DOK6: variants seen among roughly 807,000 people sequenced by gnomAD.
The protein encoded by DOK6 is docking protein 6.
A neutral mutation model predicts 44.0 loss-of-function variants in DOK6; 22 were observed. The observed-to-expected ratio is 0.50, with a 90% CI of 0.36 to 0.71. The LOEUF (loss-of-function observed/expected upper bound fraction) is 0.71, where lower values mean the gene tolerates loss of function less well. Ranked by LOEUF, DOK6 falls within the 30% of genes least tolerant of loss-of-function variation. DOK6 has a pLI of 0.00. For synonymous variants in DOK6, 166 were observed against 145.5 expected, an observed-to-expected ratio of 1.14 and a Z score of -1.01; for missense variants, 340 against 416.4, an observed-to-expected ratio of 0.82 and a Z score of 1.60.
chr18:69,670,162 TGTTGGTGTC>T (rs540534440), intron 3 of DOK6, among the ~76,000 whole-genome samples: 82 of 152,340 alleles, frequency 5.4e-4, no homozygotes, highest in African/African-American at 1.9e-3. Flanking sequence ...CTTTCAGATT[TGTTGGTGTC>T]GTTTGGCCAA....
chr18:69,605,794 A>C (rs1318139330), intron 3 of DOK6, among the ~76,000 whole-genome samples: 2 of 143,244 alleles, frequency 1.4e-5, no homozygotes, highest in Admixed American at 1.4e-4. Flanking sequence ...ACTTAAGATA[A>C]AAACTGATGC....
At chr18:69,666,377 C>T (rs112280822) in intron 3 of DOK6, among the ~76,000 whole-genome samples, 4 of 152,168 alleles carry the variant, frequency 2.6e-5, no homozygotes, top group Admixed American at 2.6e-4. Flanking sequence ...TGACTGAGCA[C>T]CAAGACAGTG....
chr18:69,538,392 T>C (rs1335106265), intron 1 of DOK6, among the ~76,000 whole-genome samples: 2 of 152,070 alleles, frequency 1.3e-5, no homozygotes, highest in African/African-American at 4.8e-5. Flanking sequence ...TCCTTTTTTT[T>C]TCCCCTCTGA....
intron 7 of DOK6, among the ~76,000 whole-genome samples, chr18:69,779,108 G>A (rs972014724): frequency 4.0e-5 from 6 of 151,814 alleles, no homozygotes; most frequent in African/African-American, 1.4e-4. Context: ...TGATATTTAC[G>A]GTGCTTCATA....
At chr18:69,614,544 T>TTGTGTG (rs34596745) in intron 3 of DOK6, among the ~76,000 whole-genome samples, 43 of 149,126 alleles carry the variant, frequency 2.9e-4, no homozygotes, top group Middle Eastern at 3.5e-3. Flanking sequence ...TATTTTTTCT[T>TTGTGTG]TGTGTGTGTG....
intron 3 of DOK6, among the ~76,000 whole-genome samples, chr18:69,618,166 C>T (rs1246664996): frequency 6.6e-6 from 1 of 152,124 alleles, no homozygotes; most frequent in Non-Finnish European, 1.5e-5. Flanking sequence ...AGAAGCCAAC[C>T]ATGCACTTAG....
intron 7 of DOK6, among the ~76,000 whole-genome samples, chr18:69,808,327 C>G (rs566211455): frequency 6.6e-6 from 1 of 151,350 alleles, no homozygotes; most frequent in African/African-American, 2.4e-5. Context: ...ATGCCTACAC[C>G]AAAAAAGAAG....
chr18:69,559,311 A>C (rs1454544445), intron 1 of DOK6, among the ~76,000 whole-genome samples: 1 of 152,240 alleles, frequency 6.6e-6, no homozygotes, highest in Non-Finnish European at 1.5e-5. Context: ...GTAAGGTTTC[A>C]TTTAACATCA....
At chr18:69,469,219 AGT>A (rs759693216) in intron 1 of DOK6, among the ~76,000 whole-genome samples, 5 of 152,346 alleles carry the variant, frequency 3.3e-5, no homozygotes, top group Non-Finnish European at 5.9e-5. Context: ...TTAAATATTT[AGT>A]GTGTGCTGAG....
At chr18:69,602,608 T>C (rs1285784895) in intron 3 of DOK6, among the ~76,000 whole-genome samples, 1 of 152,226 alleles carries the variant, frequency 6.6e-6, no homozygotes, top group Non-Finnish European at 1.5e-5. Context: ...AGTTCATTAA[T>C]TTTAACAAAT....
At chr18:69,614,364 C>T (rs2144633495) in intron 3 of DOK6, among the ~76,000 whole-genome samples, 1 of 152,216 alleles carries the variant, frequency 6.6e-6, no homozygotes, top group Middle Eastern at 3.4e-3. Context: ...GCATACATTT[C>T]AACCTTTATT....
chr18:69,539,585 T>C (rs1982214498), intron 1 of DOK6, among the ~76,000 whole-genome samples: 1 of 151,916 alleles, frequency 6.6e-6, no homozygotes, highest in Non-Finnish European at 1.5e-5. Context: ...TACATATGTA[T>C]CCTGGATAGA....
chr18:69,661,258 T>C (rs1487213183), intron 3 of DOK6: 1 of 152,218 alleles, frequency 6.6e-6, no homozygotes, highest in Non-Finnish European at 1.5e-5. Flanking sequence ...TTTCTCTGTG[T>C]CCTCACATGC....
chr18:69,799,302 A>T (rs577964280), intron 7 of DOK6, among the ~76,000 whole-genome samples: 4 of 152,084 alleles, frequency 2.6e-5, no homozygotes, highest in Non-Finnish European at 5.9e-5. Flanking sequence ...CAGCAGCAAT[A>T]TGCTGAAGAC....
rs140798925 is a variant in DOK6, at chr18:69,626,365, C to G, written c.289+26867C>G. 1.8e-3 allele frequency among the ~76,000 whole-genome samples: 281 copies of G among 152,296 alleles called. 6 individuals carry two copies. The East Asian group carries it at 0.04, about 22-fold the overall frequency. Reference sequence around the variant, plus strand: ...GCCTCTCGGTCCATTCACATTTGCTCCTGTTAATGATTACCAGAGAAAAGA... The same window carrying G: ...GCCTCTCGGTCCATTCACATTTGCTGCTGTTAATGATTACCAGAGAAAAGA... On this transcript the variant is annotated intron_variant, in intron 3 of 7. Coordinates refer to ENST00000382713, the MANE Select transcript of DOK6 (RefSeq NM_152721.6).
rs532999806 is a variant in DOK6, at chr18:69,831,488, T to C, written c.857-9756T>C. Among the ~76,000 whole-genome samples the C allele has an allele frequency of 2.6e-5, 4 of 152,312 alleles. No individual in the cohort carries two copies. In the South Asian group the frequency reaches 8.3e-4, roughly 32 times the overall value. On this transcript the variant is annotated intron_variant, in intron 7 of 7. Coordinates refer to ENST00000382713, the MANE Select transcript of DOK6 (RefSeq NM_152721.6). ...GCAATCTCACTGTACAGAGTTGATA[T>C]GAGGATTTTTAAAATATGATTTCTA...
chr18:69,474,215 T>C (rs2886018), intron 1 of DOK6, among the ~76,000 whole-genome samples: 42,170 of 152,068 alleles, frequency 0.28, 6,185 homozygotes, highest in South Asian at 0.41. Context: ...TCTCTGGTTT[T>C]TGCTCTGTCT....
At chr18:69,430,730 G>A (rs1978782115) in intron 1 of DOK6, among the ~76,000 whole-genome samples, 3 of 152,266 alleles carry the variant, frequency 2.0e-5, no homozygotes, top group Middle Eastern at 3.4e-3. Flanking sequence ...ACTTTGGAAG[G>A]CCGAGGCTGG....
rs192676775 is a variant in DOK6, at chr18:69,848,439, A to G, written c.*7056A>G. ...TTTAGTAACAATCTATTCTAGATAA[A>G]TGATAATTTGGGGACATCTGTACTT... On this transcript the variant is annotated 3_prime_UTR_variant, in exon 8 of 8. Transcript: ENST00000382713. The G allele has an allele frequency of 1.7e-4, 26 of 152,316 alleles. No individual in the cohort carries two copies. The highest frequency in any genetic ancestry group is 2.6e-4 in the Admixed American group (4 of 15,294). 9.4% of individuals were successfully genotyped at this position (152,316 alleles called of 1,614,324 possible). A position where few individuals can be genotyped will look rare whatever the true frequency, so the allele number is the denominator to read the frequency against.
Sources: gnomAD v4.1 joint callset for allele counts (sites outside exome capture counted in the v4.1 genomes callset) on GRCh38, gnomAD v4.1.1 for gene constraint, MANE v1.5 for transcripts, NCBI Gene and HGNC (gene_info 2026-07-23, HGNC 2026-07-21) for gene names.